The following RNF40 variants were observed in gnomAD, a reference collection of about 807,000 sequenced individuals.
RNF40 encodes E3 ubiquitin-protein ligase BRE1B.
A neutral mutation model predicts 123.3 loss-of-function variants in RNF40; 39 were observed. The observed-to-expected ratio is 0.32, with a 90% CI of 0.24 to 0.41. The LOEUF is 0.41. RNF40 is among the 10% of genes least tolerant of loss of function. The pLI, the probability that RNF40 is intolerant of heterozygous loss-of-function variation, is 1.00. For synonymous variants in RNF40, 538 were observed against 526.0 expected (o/e 1.02, Z -0.31); for missense variants, 1,003 against 1,319.9 (o/e 0.76, Z 3.72).
chr16:30,770,006 G>T (rs1410472006), intron 17 of RNF40, among the ~76,000 whole-genome samples: 1 of 152,032 alleles, frequency 6.6e-6, no homozygotes, highest in Non-Finnish European at 1.5e-5. Flanking sequence ...AGGCTGACAG[G>T]TGAGAGGATC....
chr16:30,769,043 G>C lies in RNF40; in HGVS notation c.2247+56G>C, dbSNP rs1392897546. 8.1e-6 allele frequency: 13 copies of C among 1,609,928 alleles called. No homozygotes were observed. In the East Asian group the frequency reaches 2.0e-4, roughly 25 times the overall value. ...GCGCAGGGAGTTCCCTTCATACCCT[G>C]TTTGGTGCCTCTAGTGCCTGCAGGA... On this transcript the variant is annotated intron_variant, in intron 15 of 19. Coordinates refer to ENST00000324685, the MANE Select transcript of RNF40 (RefSeq NM_014771.4).
At position 30,766,487 on chromosome 16, in the gene RNF40, C is replaced by G. The variant is rs937034122; in HGVS notation, c.1222C>G (p.Gln408Glu). Residue 408 changes from glutamine to glutamate, a missense_variant, in exon 10 of 20, where the codon CAG becomes GAG. Around this residue, in one of 11 missense-constraint regions of RNF40, gnomAD observed 274 missense variants for 356.9 expected, o/e 0.77. Transcript: ENST00000324685. This position sits in a 1 kb window ranked among gnomAD's most constrained non-coding sequence, Gnocchi z 5.4. ...LYNESLQVKT[Q>E]LDEARGLLLA... is the part of the protein sequence containing the mutation. ...CAACGAGTCTCTGCAAGTGAAGACC[C>G]AGCTAGACGAGGCTCGGGGCCTGCT... 1 of 1,613,778 alleles carries G rather than the reference C, an allele frequency of 6.2e-7. No individual in the cohort carries two copies. The highest frequency in any genetic ancestry group is 1.3e-5 in the African/African-American group (1 of 75,040).
At position 30,774,711 on chromosome 16, in the gene RNF40, C is replaced by T. The variant is rs1012625693; in HGVS notation, c.*597C>T. On this transcript the variant is annotated 3_prime_UTR_variant, in exon 20 of 20. Coordinates refer to ENST00000324685, the MANE Select transcript of RNF40 (RefSeq NM_014771.4). ...GGCAGATGGGGGCATCACTTGCTTC[C>T]TTTGGGAAGCTCTAAGGTTGCTGCA... 1 of 326,682 alleles carries T rather than the reference C, an allele frequency of 3.1e-6. No homozygotes were observed. Among genetic ancestry groups the T allele is most frequent in the South Asian group, 2.4e-5 (1 of 40,976 alleles). The allele number at this position is 326,682 out of a possible 1,614,324, so 20.2% of individuals were successfully genotyped here.
intron 19 of RNF40, among the ~76,000 whole-genome samples, chr16:30,772,472 A>G (rs1002917852): frequency 2.0e-5 from 3 of 152,132 alleles, no homozygotes; most frequent in African/African-American, 7.2e-5. Flanking sequence ...CTCATCCCAG[A>G]TGTGTAATAT....
At position 30,765,711 on chromosome 16, in the gene RNF40, C is replaced by G. The variant is rs561615431; in HGVS notation, c.993+212C>G. Among the ~76,000 whole-genome samples the G allele has an allele frequency of 5.9e-5, 9 of 152,272 alleles. No individual in the cohort carries two copies. In the East Asian group the frequency reaches 1.7e-3, roughly 29 times the overall value. ...ATATTGGCGAGAACAAAATAGAGGT[C>G]AAAACTTTCATGGACCAGACAAGAA... On this transcript the variant is annotated intron_variant, in intron 8 of 19. Transcript: ENST00000324685.
intron 2 of RNF40, 104 bp downstream of exon 2, chr16:30,762,781 G>C: frequency 6.9e-7 from 1 of 1,446,852 alleles, no homozygotes; most frequent in Non-Finnish European, 9.4e-7. Context: ...AGTTTAGCAA[G>C]GTCCGCGTTA....
chr16:30,774,092 T>A lies in RNF40; in HGVS notation c.2984T>A (p.Phe995Tyr). 1 of 1,613,698 alleles carries A rather than the reference T, an allele frequency of 6.2e-7. No homozygotes were observed. Among genetic ancestry groups the A allele is most frequent in the Non-Finnish European group, 8.5e-7 (1 of 1,179,686 alleles). Residue 995 changes from phenylalanine (F) to tyrosine (Y), a missense_variant, in exon 20 of 20, where the codon TTC becomes TAC. Phe to Tyr is a conservative substitution (Grantham distance 22, BLOSUM62 3). Transcript: ENST00000324685. The stretch of plus-strand genomic sequence containing the variant: ...AACGCGGCCTTTGGTGCCCACGACT[T>A]CCATCGTATCTACATCAGCTGAACC... The part of the protein sequence containing the change: ...KCNAAFGAHD[F>Y]HRIYIS
At position 30,772,154 on chromosome 16, in the gene RNF40, C is replaced by G. The variant is rs373316806; in HGVS notation, c.2793C>G (p.Ala931=). The change falls in exon 19 of 20, where the codon GCC becomes GCG. Residue 931 remains alanine (A), a synonymous_variant. Transcript: ENST00000324685. ...GGAAGGTGGAGGTCTACGCAGATGC[C>G]GACGAAATCCTCCAGGAGGAGATCA... is the stretch of plus-strand genomic sequence containing the variant. ...KQRKVEVYAD[A]DEILQEEIKE... 6.4e-7 allele frequency: 1 copy of G among 1,553,270 alleles called. No homozygotes were observed. Among genetic ancestry groups the G allele is most frequent in the Non-Finnish European group, 8.7e-7 (1 of 1,147,892 alleles).
rs1567285860 is a variant in RNF40, at chr16:30,768,467, C to T, written c.1916C>T (p.Ala639Val). 6.2e-6 allele frequency: 10 copies of T among 1,611,086 alleles called. No individual in the cohort carries two copies. The highest frequency in any genetic ancestry group is 1.1e-5 in the South Asian group (1 of 90,844). The change falls in exon 13 of 20, where the codon GCC becomes GTC. Residue 639 changes from alanine (A) to valine (V), a missense_variant. This residue lies in a region of RNF40 where 295 missense variants were observed against 331.7 expected (regional missense o/e 0.89). Transcript: ENST00000324685. This position sits in a 1 kb window ranked among gnomAD's most constrained non-coding sequence, Gnocchi z 4.1. ...SALSRADREK[A>V]KVEETKRKES... The stretch of plus-strand genomic sequence containing the variant: ...CTCTCAAGGGCTGATCGGGAGAAGG[C>T]CAAGGTGGAAGAAACCAAGCGGAAG...
At chr16:30,771,727 G>T (rs2054151349) in intron 17 of RNF40, 106 bp from the exon 18 acceptor site, 3 of 1,300,828 alleles carry the variant, frequency 2.3e-6, no homozygotes, top group East Asian at 4.8e-5. Context: ...CAGCTCCAGG[G>T]CAGGTGTCAC....
rs1352658364 is a variant in RNF40, at chr16:30,771,966, G to C, written c.2720G>C (p.Arg907Thr). The C allele has an allele frequency of 6.3e-7, 1 of 1,593,350 alleles. No homozygotes were observed. The highest frequency in any genetic ancestry group is 2.2e-5 in the East Asian group (1 of 44,622). The change falls in exon 18 of 20, where the codon AGG (arginine) becomes ACG (threonine). Residue 907 changes from arginine (R) to threonine (T), a missense_variant. Physicochemically the swap from Arg to Thr is moderately conservative, Grantham distance 71. Coordinates refer to ENST00000324685, the MANE Select transcript of RNF40 (RefSeq NM_014771.4). ...AREKESFNLK[R>T]AQEDISRLRR... ...GAGAAAGAGAGCTTCAACCTCAAGA[G>C]GGCTCAGGTGTGTGCAGGGGTGAGG...
In RNF40 at chr16:30,767,897, C is replaced by G; in HGVS notation, c.1433C>G (p.Pro478Arg). 1 of 1,614,106 alleles carries G rather than the reference C, an allele frequency of 6.2e-7. No individual in the cohort carries two copies. The highest frequency in any genetic ancestry group is 1.1e-5 in the South Asian group (1 of 91,072). ...QNLAANEQAGPINREMRHLIS... is the reference protein window; with the variant it reads ...QNLAANEQAGRINREMRHLIS... The stretch of plus-strand genomic sequence containing the variant: ...TTACTTGCTGATGCTCCTCCAGGGC[C>G]CATCAACCGTGAGATGCGCCACCTG... The change falls in exon 12 of 20, where the codon CCC (proline) becomes CGC (arginine). Residue 478 changes from proline (P) to arginine (R), a missense_variant. This residue lies in a region of RNF40 where 30 missense variants were observed against 68.9 expected (regional missense o/e 0.44). Coordinates refer to ENST00000324685, the MANE Select transcript of RNF40 (RefSeq NM_014771.4).
chr16:30,774,961 TG>T lies in RNF40; in HGVS notation c.*850del. The T allele has an allele frequency of 2.2e-6, 1 of 456,524 alleles. No homozygotes were observed. Among genetic ancestry groups the T allele is most frequent in the South Asian group, 1.5e-5 (1 of 64,566 alleles). 28.3% of individuals were successfully genotyped at this position (456,524 alleles called of 1,614,324 possible). A position where few individuals can be genotyped will look rare whatever the true frequency, so the allele number is the denominator to read the frequency against. On this transcript the variant is annotated 3_prime_UTR_variant, in exon 20 of 20. Transcript: ENST00000324685. The stretch of plus-strand genomic sequence containing the variant: ...GAAGGGACAGACCAGCCCCAGCCGC[TG>T]GGCCAACTTCCAATCATTCCAGCTA...
Position 30,765,054 on chromosome 16 carries a change from T to C in RNF40, c.766T>C (p.Leu256=), listed in dbSNP as rs775939314. 7 of 1,613,834 alleles carry C rather than the reference T, an allele frequency of 4.3e-6. No homozygotes were observed. The highest frequency in any genetic ancestry group is 2.2e-5 in the East Asian group (1 of 44,864). Residue 256 remains leucine, a synonymous_variant, in exon 6 of 20, where the codon TTG becomes CTG. Coordinates refer to ENST00000324685, the MANE Select transcript of RNF40 (RefSeq NM_014771.4). ...QLQEKHHRIS[L]EYSELQDKVT... is the part of the protein sequence containing the mutation. ...GCAGGAGAAACACCACCGCATCTCA[T>C]TGGAGGTGAGGAGCCGGGGGCTTTG...
rs1035126704 is a variant in RNF40, at chr16:30,768,383, A to C, written c.1832A>C (p.Lys611Thr). 6.2e-7 allele frequency: 1 copy of C among 1,613,778 alleles called. No homozygotes were observed. The highest frequency in any genetic ancestry group is 1.7e-5 in the Admixed American group (1 of 59,974). The change falls in exon 13 of 20, where the codon AAG (lysine) becomes ACG (threonine). Residue 611 changes from lysine (K) to threonine (T), a missense_variant. Physicochemically the swap from Lys to Thr is moderately conservative, Grantham distance 78. Transcript: ENST00000324685. The surrounding 1 kb of genome is among the most constrained non-coding windows in gnomAD (Gnocchi z 4.1). ...GGCCGAGAACCTGAGGCCAGGCCCAAGCGGGAGCTTCGGGAACGGGAAGGT... is the reference window on the plus strand; with the variant it reads ...GGCCGAGAACCTGAGGCCAGGCCCACGCGGGAGCTTCGGGAACGGGAAGGT... The part of the protein sequence containing the change: ...SRGREPEARP[K>T]RELREREGPS...
rs1402284265 is a variant in RNF40, at chr16:30,768,760, G to C, written c.2097+24G>C. 1 of 1,613,728 alleles carries C rather than the reference G, an allele frequency of 6.2e-7. No homozygotes were observed. Among genetic ancestry groups the C allele is most frequent in the Non-Finnish European group, 8.5e-7 (1 of 1,179,970 alleles). On this transcript the variant is annotated intron_variant, in intron 14 of 19. Transcript: ENST00000324685. The surrounding 1 kb of genome is among the most constrained non-coding windows in gnomAD (Gnocchi z 4.1). ...AGGTGAGGGCAGCTGGGGCTTGTGGGGCATTCAGAAAGGCAGAGCAGAGTC... is the reference window on the plus strand; with the variant it reads ...AGGTGAGGGCAGCTGGGGCTTGTGGCGCATTCAGAAAGGCAGAGCAGAGTC...
upstream of RNF40, chr16:30,761,683 GGA>G: frequency 2.0e-6 from 3 of 1,535,804 alleles, no homozygotes; most frequent in South Asian, 1.2e-5. Flanking sequence ...GCCGCAGCTC[GGA>G]GAGATGTTCA....
intron 19 of RNF40, 43 bp downstream of exon 19, chr16:30,772,233 G>A: frequency 6.9e-7 from 1 of 1,455,086 alleles, no homozygotes; most frequent in Non-Finnish European, 9.4e-7. Context: ...CCTGAGAATT[G>A]TAGATGCAGG....
chr16:30,766,133 C>A lies in RNF40; in HGVS notation c.994-30C>A. ...AGGCCTGCTGCCACGTCTGGCCCTG[C>A]CTCCCATGGCCCTGCCTCCCACTCC... On this transcript the variant is annotated intron_variant, in intron 8 of 19. Transcript: ENST00000324685. This position sits in a 1 kb window ranked among gnomAD's most constrained non-coding sequence, Gnocchi z 5.4. The A allele has an allele frequency of 6.2e-7, 1 of 1,613,000 alleles. No individual in the cohort carries two copies. The highest frequency in any genetic ancestry group is 8.5e-7 in the Non-Finnish European group (1 of 1,179,674).
Sources: gnomAD v4.1 joint callset for allele counts (sites outside exome capture counted in the v4.1 genomes callset) on GRCh38, gnomAD v4.1.1 for gene constraint, gnomAD v4.1.1 regional missense constraint, Gnocchi (gnomAD v3.1) non-coding constraint, MANE v1.5 for transcripts, NCBI Gene and HGNC (gene_info 2026-07-23, HGNC 2026-07-21) for gene names.